The following PRLR variants were observed in gnomAD, a reference collection of about 807,000 sequenced individuals.
PRLR encodes the protein hPRL receptor.
Under a neutral mutation model 40.2 loss-of-function variants are expected in PRLR, and 13 were observed. That is an observed-to-expected ratio of 0.32 (90% CI 0.21 to 0.51). The LOEUF (loss-of-function observed/expected upper bound fraction) is 0.51. Among genes scored for constraint, PRLR ranks in the 20% least tolerant of loss-of-function variants. The probability of loss-of-function intolerance (pLI) is 0.97; values close to 1 mark genes in which losing one functional copy is unlikely to be tolerated. For synonymous variants in PRLR, 269 were observed against 278.7 expected, an observed-to-expected ratio of 0.97 and a Z score of 0.35; for missense variants, 656 against 747.3, an observed-to-expected ratio of 0.88 and a Z score of 1.42.
At position 35,184,231 on chromosome 5, in the gene PRLR, T is replaced by C. The variant is rs147613555; in HGVS notation, c.-106+46037A>G. On this transcript the variant is annotated intron_variant, in intron 1 of 9. Transcript: ENST00000618457. ...ACCCTTAAGCTTTCAAGATAAAAAC[T>C]GGCCAGGCACGGTGGCTCACGTCTG... Among the ~76,000 whole-genome samples, 214 of 152,286 alleles carry C rather than the reference T, an allele frequency of 1.4e-3. 4 individuals carry two copies. The East Asian group carries it at 0.039, about 28-fold the overall frequency.
At chr5:35,187,562 G>A (rs1775481565) in intron 1 of PRLR, among the ~76,000 whole-genome samples, 1 of 152,066 alleles carries the variant, frequency 6.6e-6, no homozygotes, top group African/African-American at 2.4e-5. Context: ...TCTATGGCTG[G>A]GTGCAAGCCC....
At chr5:35,201,002 T>C (rs1775869148) in intron 1 of PRLR, among the ~76,000 whole-genome samples, 1 of 152,218 alleles carries the variant, frequency 6.6e-6, no homozygotes, top group Non-Finnish European at 1.5e-5. Flanking sequence ...TGTATGGAAC[T>C]AGAAAATTAT....
At chr5:35,161,620 A>G (rs1774676238) in intron 1 of PRLR, among the ~76,000 whole-genome samples, 1 of 152,248 alleles carries the variant, frequency 6.6e-6, no homozygotes, top group Non-Finnish European at 1.5e-5. Flanking sequence ...TGTCTTGAAA[A>G]TATCTGATCA....
intron 1 of PRLR, among the ~76,000 whole-genome samples, chr5:35,207,160 G>A (rs1255278425): frequency 1.3e-5 from 2 of 152,042 alleles, no homozygotes; most frequent in Non-Finnish European, 2.9e-5. Flanking sequence ...TTGTTATTTA[G>A]TATTAGAAGT....
Position 35,084,459 on chromosome 5 carries a change from C to T in PRLR, c.373+11G>A. The T allele has an allele frequency of 6.5e-7, 1 of 1,544,542 alleles. No individual in the cohort carries two copies. The highest frequency in any genetic ancestry group is 8.7e-7 in the Non-Finnish European group (1 of 1,153,896). The stretch of plus-strand genomic sequence containing the variant: ...AGTAAGAAATTCCTCACCCACTTTC[C>T]TTCCCCTTACCTATGTAAGTCACGT... On this transcript the variant is annotated intron_variant, in intron 5 of 9. Coordinates refer to ENST00000618457, the MANE Select transcript of PRLR (RefSeq NM_000949.7).
intron 2 of PRLR, among the ~76,000 whole-genome samples, chr5:35,091,984 C>T (rs1201333071): frequency 1.3e-5 from 2 of 152,156 alleles, no homozygotes; most frequent in East Asian, 3.9e-4. Flanking sequence ...AGGTTGGGTG[C>T]TATCTAGAGA....
intron 1 of PRLR, among the ~76,000 whole-genome samples, chr5:35,121,144 T>C (rs1773277900): frequency 6.6e-6 from 1 of 152,218 alleles, no homozygotes; most frequent in South Asian, 2.1e-4. Context: ...ATCATTCTAG[T>C]GGTGACTACT....
intron 2 of PRLR, among the ~76,000 whole-genome samples, chr5:35,098,439 C>G (rs765725091): frequency 4.6e-5 from 7 of 152,148 alleles, no homozygotes; most frequent in Non-Finnish European, 8.8e-5. Flanking sequence ...AAATGTTGTT[C>G]TAAGCCACAG....
chr5:35,071,481 G>A (rs1769742540), intron 6 of PRLR, among the ~76,000 whole-genome samples: 1 of 152,188 alleles, frequency 6.6e-6, no homozygotes, highest in Non-Finnish European at 1.5e-5. Context: ...TTTTGGCTAT[G>A]TTTGGAAATG....
At chr5:35,200,388 G>T (rs2111604503) in intron 1 of PRLR, among the ~76,000 whole-genome samples, 1 of 152,276 alleles carries the variant, frequency 6.6e-6, no homozygotes, top group Non-Finnish European at 1.5e-5. Flanking sequence ...GTCACTCTCA[G>T]AATACAAAAA....
chr5:35,223,874 T>C (rs1249122532), intron 1 of PRLR, among the ~76,000 whole-genome samples: 1 of 152,188 alleles, frequency 6.6e-6, no homozygotes, highest in East Asian at 1.9e-4. Context: ...GAAAAATATG[T>C]GTTGCTGTTG....
chr5:35,186,517 TA>T (rs1775437656), intron 1 of PRLR, among the ~76,000 whole-genome samples: 1 of 152,212 alleles, frequency 6.6e-6, no homozygotes, highest in East Asian at 1.9e-4. Context: ...AGAAGGCATT[TA>T]TGCCTTATTG....
chr5:35,071,491 G>A (rs890152780), intron 6 of PRLR, among the ~76,000 whole-genome samples: 1 of 152,234 alleles, frequency 6.6e-6, no homozygotes, highest in African/African-American at 2.4e-5. Context: ...GTTTGGAAAT[G>A]TGCCTTTTTA....
rs527644087 is a variant in PRLR at position 35,129,104 on chromosome 5, G to T, written c.-105-10982C>A. 2.0e-5 allele frequency among the ~76,000 whole-genome samples: 3 copies of T among 152,292 alleles called. No individual in the cohort carries two copies. In the South Asian group the frequency reaches 6.2e-4, roughly 32 times the overall value. On this transcript the variant is annotated intron_variant, in intron 1 of 9. Coordinates refer to ENST00000618457, the MANE Select transcript of PRLR (RefSeq NM_000949.7). Reference sequence around the variant, plus strand: ...AAGCAGAAACTGGTGGAGATAAAAAGAGATGGTGTCAAATTCTCTCCTTTC... The same window carrying T: ...AAGCAGAAACTGGTGGAGATAAAAATAGATGGTGTCAAATTCTCTCCTTTC...
At position 35,063,713 on chromosome 5, in the gene PRLR, A is replaced by G. The variant is rs1477902150; in HGVS notation, c.*1376T>C. 1 of 152,240 alleles carries G rather than the reference A, an allele frequency of 6.6e-6. No homozygotes were observed. Among genetic ancestry groups the G allele is most frequent in the Non-Finnish European group, 1.5e-5 (1 of 68,030 alleles). 9.4% of individuals were successfully genotyped at this position (152,240 alleles called of 1,614,324 possible). A position where few individuals can be genotyped will look rare whatever the true frequency, so the allele number is the denominator to read the frequency against. On this transcript the variant is annotated 3_prime_UTR_variant, in exon 10 of 10. Transcript: ENST00000618457. ...TTGCTTAAAATTTTTTTGTGGCCCA[A>G]GATTTCTCACAAAAGCAAAACCTCT...
intron 1 of PRLR, among the ~76,000 whole-genome samples, chr5:35,136,554 T>C (rs960160364): frequency 5.3e-5 from 8 of 152,162 alleles, no homozygotes; most frequent in African/African-American, 1.9e-4. Flanking sequence ...GCCCTAGAAG[T>C]TGACTGAGTC....
intron 1 of PRLR, among the ~76,000 whole-genome samples, chr5:35,201,010 TA>T (rs1201707111): frequency 3.3e-5 from 5 of 152,300 alleles, no homozygotes; most frequent in Admixed American, 3.3e-4. Context: ...ACTAGAAAAT[TA>T]TTTGGCTTAA....
At position 35,074,504 on chromosome 5, in the gene PRLR, C is replaced by CATATATATAT. The variant is rs3034214; in HGVS notation, c.374-1770_374-1761dup. ...AACAGCTACATATTTTTTATGATTC[C>CATATATATAT]ATATATATATATATATATATATGAA... On this transcript the variant is annotated intron_variant, in intron 5 of 9. Transcript: ENST00000618457. Among the ~76,000 whole-genome samples the CATATATATAT allele has an allele frequency of 8.6e-4, 114 of 132,616 alleles. 3 individuals are homozygous for CATATATATAT. Among genetic ancestry groups the CATATATATAT allele is most frequent in the South Asian group, 7.7e-3 (33 of 4,300 alleles). The allele number at this position is 132,616 out of a possible 152,430, so 87.0% of individuals were successfully genotyped here. A position where few individuals can be genotyped will look rare whatever the true frequency, so the allele number is the denominator to read the frequency against.
intron 7 of PRLR, among the ~76,000 whole-genome samples, 172 bp downstream of exon 7, chr5:35,069,952 G>A (rs1298319796): frequency 6.6e-6 from 1 of 152,222 alleles, no homozygotes; most frequent in African/African-American, 2.4e-5. Flanking sequence ...CAGTAATCCA[G>A]GGTGCAATGC....
Sources: gnomAD v4.1 joint callset for allele counts (sites outside exome capture counted in the v4.1 genomes callset) on GRCh38, gnomAD v4.1.1 for gene constraint, MANE v1.5 for transcripts, NCBI Gene and HGNC (gene_info 2026-07-23, HGNC 2026-07-21) for gene names.